The following CYFIP2 variants were observed in gnomAD, a reference collection of about 807,000 sequenced individuals.
CYFIP2 encodes the protein cytoplasmic FMR1-interacting protein 2.
In CYFIP2, 29 loss-of-function variants were observed where a neutral mutation model predicts 158.7. The ratio of observed to expected loss-of-function variants is 0.18; its 90% CI spans 0.14 to 0.25. CYFIP2 has a LOEUF of 0.25. Among genes scored for constraint, CYFIP2 ranks in the 10% least tolerant of loss-of-function variants. The probability of loss-of-function intolerance (pLI) is 1.00; values close to 1 mark genes in which losing one functional copy is unlikely to be tolerated. For missense variants in CYFIP2, 852 were observed against 1,639.5 expected (o/e 0.52, Z 8.29); for synonymous variants, 585 against 617.6 (o/e 0.95, Z 0.78).
chr5:157,384,381 C>CA (rs1392255099), intron 28 of CYFIP2: 1 of 456,596 alleles, frequency 2.2e-6, no homozygotes, highest in Non-Finnish European at 4.4e-6. Context: ...TCTAGTGAGA[C>CA]AAGCCAATGC....
At chr5:157,303,004 C>A in intron 7 of CYFIP2, 114 bp downstream of exon 7, 2 of 750,038 alleles carry the variant, frequency 2.7e-6, no homozygotes, top group Non-Finnish European at 4.4e-6. Context: ...CAGCTTCCAT[C>A]TCCACTGCCC....
In CYFIP2 at chr5:157,393,871, GACA is replaced by G. The variant is rs2113576420; in HGVS notation, c.*874_*876del. The stretch of plus-strand genomic sequence containing the variant: ...AGCATTAGCCAGTGACCAAATTAGG[GACA>G]ACGTCTTGGCACAGAATTGCTTATC... On this transcript the variant is annotated 3_prime_UTR_variant, in exon 31 of 31. Coordinates refer to ENST00000620254, the MANE Select transcript of CYFIP2 (RefSeq NM_001037333.3). 1 of 152,200 alleles carries G rather than the reference GACA, an allele frequency of 6.6e-6. No homozygotes were observed. The highest frequency in any genetic ancestry group is 6.5e-5 in the Admixed American group (1 of 15,290). The allele number at this position is 152,200 out of a possible 1,614,324, so 9.4% of individuals were successfully genotyped here. A position where few individuals can be genotyped will look rare whatever the true frequency, so the allele number is the denominator to read the frequency against.
chr5:157,276,613 A>T (rs574314221), intron 1 of CYFIP2, among the ~76,000 whole-genome samples: 1 of 152,284 alleles, frequency 6.6e-6, no homozygotes, highest in South Asian at 2.1e-4. Flanking sequence ...AGCCTAAGAG[A>T]TAGGAACTAT....
At chr5:157,333,536 C>T in intron 21 of CYFIP2, 90 bp downstream of exon 21, 1 of 1,568,372 alleles carries the variant, frequency 6.4e-7, no homozygotes, top group South Asian at 1.1e-5. Flanking sequence ...AGTGCTGGGC[C>T]AGTTAAAGAG....
rs1221242924 is a variant in CYFIP2, at chr5:157,309,813, A to C, written c.971A>C (p.His324Pro). ...ELARYIKTSA[H>P]YEENKSKWTC... ...GCCAGATACATTAAGACCAGTGCTC[A>C]CTATGAAGAGAACAAGTCCAAGTGA... The change falls in exon 10 of 31, where the codon CAC becomes CCC. Residue 324 changes from histidine (H) to proline (P), a missense_variant. By Grantham distance (77) the His-to-Pro change is moderately conservative. Transcript: ENST00000620254. The C allele has an allele frequency of 6.2e-7, 1 of 1,601,308 alleles. No homozygotes were observed. The highest frequency in any genetic ancestry group is 8.5e-7 in the Non-Finnish European group (1 of 1,174,266).
rs1039856094 is a variant in CYFIP2, at chr5:157,311,576, G to A, written c.993-88G>A. ...GGTGTCACCCAGGGGAGTTGGCCACGTGGGCTGAGCACCAGGAGCAGCTAA... is the reference window on the plus strand; with the variant it reads ...GGTGTCACCCAGGGGAGTTGGCCACATGGGCTGAGCACCAGGAGCAGCTAA... On this transcript the variant is annotated intron_variant, in intron 10 of 30. Coordinates refer to ENST00000620254, the MANE Select transcript of CYFIP2 (RefSeq NM_001037333.3). This position sits in a 1 kb window ranked among gnomAD's most constrained non-coding sequence, Gnocchi z 4.7. The A allele has an allele frequency of 8.1e-6, 10 of 1,239,912 alleles. No homozygotes were observed. Among genetic ancestry groups the A allele is most frequent in the South Asian group, 2.9e-5 (2 of 69,950 alleles). The allele number at this position is 1,239,912 out of a possible 1,614,324, so 76.8% of individuals were successfully genotyped here. A position where few individuals can be genotyped will look rare whatever the true frequency, so the allele number is the denominator to read the frequency against.
chr5:157,354,099 AT>A (rs1763254543), intron 23 of CYFIP2, among the ~76,000 whole-genome samples: 1 of 152,040 alleles, frequency 6.6e-6, no homozygotes, highest in African/African-American at 2.4e-5. Context: ...AACTCACCAT[AT>A]TTTTTTCTCT....
chr5:157,281,963 C>T (rs1757022951), intron 1 of CYFIP2, among the ~76,000 whole-genome samples: 1 of 152,120 alleles, frequency 6.6e-6, no homozygotes, highest in Non-Finnish European at 1.5e-5. Context: ...ATACCATGTC[C>T]TGGAGATCAC....
intron 1 of CYFIP2, among the ~76,000 whole-genome samples, chr5:157,283,141 A>C (rs372544337): frequency 2.0e-5 from 3 of 152,176 alleles, no homozygotes; most frequent in African/African-American, 7.2e-5. Flanking sequence ...TCCCTCCACC[A>C]CTTGCCAGCA....
chr5:157,316,181 A>T (rs566753662), intron 13 of CYFIP2, among the ~76,000 whole-genome samples: 103 of 152,362 alleles, frequency 6.8e-4, no homozygotes, highest in Middle Eastern at 3.4e-3. Context: ...ACAATTAAAG[A>T]ACAGCATATC....
At chr5:157,308,113 C>T (rs1759397276) in intron 9 of CYFIP2, among the ~76,000 whole-genome samples, 1 of 151,550 alleles carries the variant, frequency 6.6e-6, no homozygotes, top group Non-Finnish European at 1.5e-5. Context: ...TTGCAGGATT[C>T]AGCTGGGATT....
chr5:157,343,128 A>G (rs1449695242), intron 23 of CYFIP2: 33 of 1,614,170 alleles, frequency 2.0e-5, no homozygotes, highest in Non-Finnish European at 2.5e-5. Flanking sequence ...CAACGGACAC[A>G]CCAGAACTGG....
At position 157,289,738 on chromosome 5, in the gene CYFIP2, T is replaced by C. The variant is rs73814093; in HGVS notation, c.207+2630T>C. On this transcript the variant is annotated intron_variant, in intron 3 of 30. Coordinates refer to ENST00000620254, the MANE Select transcript of CYFIP2 (RefSeq NM_001037333.3). ...AATACAGTCACATTCTGAGGTCCTG[T>C]GGGGTTAGGGCTTCAACCTATAAAT... 7.7e-3 allele frequency among the ~76,000 whole-genome samples: 1,166 copies of C among 152,314 alleles called. 19 individuals are homozygous for C. Among genetic ancestry groups the C allele is most frequent in the African/African-American group, 0.027 (1,111 of 41,566 alleles).
intron 27 of CYFIP2, 68 bp downstream of exon 27, chr5:157,382,730 A>G: frequency 1.4e-6 from 2 of 1,474,568 alleles, no homozygotes; most frequent in Middle Eastern, 1.7e-4. Context: ...TCCTAATTGC[A>G]GTCAACTCAG....
chr5:157,305,464 T>C (rs2113903925), intron 8 of CYFIP2, among the ~76,000 whole-genome samples: 1 of 152,328 alleles, frequency 6.6e-6, no homozygotes, highest in Admixed American at 6.5e-5. Context: ...CAGCAAAGCA[T>C]AAAAAAATTT....
intron 8 of CYFIP2, 29 bp downstream of exon 8, chr5:157,304,395 G>A (rs1364708400): frequency 1.3e-6 from 2 of 1,593,964 alleles, no homozygotes; most frequent in South Asian, 1.1e-5. Context: ...CGCACCCATG[G>A]AGCCTGGGCT....
intron 1 of CYFIP2, among the ~76,000 whole-genome samples, chr5:157,275,493 A>G (rs1756470261): frequency 6.6e-6 from 1 of 152,208 alleles, no homozygotes; most frequent in African/African-American, 2.4e-5. Context: ...CATTAATTTA[A>G]TCATTGTTCA....
intron 30 of CYFIP2, among the ~76,000 whole-genome samples, chr5:157,390,978 C>T (rs1427767430): frequency 6.6e-6 from 1 of 152,132 alleles, no homozygotes; most frequent in Non-Finnish European, 1.5e-5. Flanking sequence ...CACCAAATAC[C>T]AGAGTTGTAC....
chr5:157,339,865 T>C (rs1762118872), intron 22 of CYFIP2, among the ~76,000 whole-genome samples: 1 of 152,172 alleles, frequency 6.6e-6, no homozygotes, highest in Non-Finnish European at 1.5e-5. Context: ...AGGGTAAAAC[T>C]AGTCGGGTGG....
Sources: gnomAD v4.1 joint callset for allele counts (sites outside exome capture counted in the v4.1 genomes callset) on GRCh38, gnomAD v4.1.1 for gene constraint, Gnocchi (gnomAD v3.1) non-coding constraint, MANE v1.5 for transcripts, NCBI Gene and HGNC (gene_info 2026-07-23, HGNC 2026-07-21) for gene names.